Variants in APLN observed in about 807,000 individuals in gnomAD.
APLN encodes apelin.
A neutral mutation model predicts 4.3 loss-of-function variants in APLN; 2 were observed. The observed-to-expected ratio is 0.46, with a 90% CI of 0.19 to 1.45. APLN has a LOEUF of 1.45. Ranked by LOEUF, APLN falls within the 40% of genes most tolerant of loss-of-function variation. The pLI, the probability that APLN is intolerant of heterozygous loss-of-function variation, is 0.25. For missense variants in APLN, 80 were observed against 70.0 expected (o/e 1.14, Z -0.51); for synonymous variants, 34 against 30.4 (o/e 1.12, Z -0.38).
At chrX:129,653,894 G>A (rs1936992387) in intron 1 of APLN, among the ~76,000 whole-genome samples, 1 of 111,659 alleles carries the variant, frequency 9.0e-6, no homozygotes, top group South Asian at 3.7e-4. Context: ...CCTGTGCAGG[G>A]GAGGAGACCA....
chrX:129,654,729 G>A lies in APLN; in HGVS notation c.-99C>T, dbSNP rs1415830279. The A allele has an allele frequency of 3.1e-6, 2 of 636,587 alleles. No homozygotes were observed. Among genetic ancestry groups the A allele is most frequent in the East Asian group, 5.1e-5 (1 of 19,642 alleles). The allele number at this position is 636,587 out of a possible 1,213,427, so 52.5% of individuals were successfully genotyped here. A position where few individuals can be genotyped will look rare whatever the true frequency, so the allele number is the denominator to read the frequency against. On this transcript the variant is annotated 5_prime_UTR_variant, in exon 1 of 3. Transcript: ENST00000429967. The stretch of plus-strand genomic sequence containing the variant: ...AAGGCGCGAGCCGCGGCTGGCGCGT[G>A]CGGGCGCAGAGCTCGGGAGGCTCCC...
At chrX:129,648,917 T>C in intron 1 of APLN, 125 bp from the exon 2 acceptor site, 1 of 717,068 alleles carries the variant, frequency 1.4e-6, no homozygotes, top group African/African-American at 2.2e-5. Context: ...TTTCTTTGTT[T>C]CTTTTTTTCA....
Position 129,647,458 on chromosome X carries a change from C to T in APLN, c.*465G>A. ...AACTAGAGTCTCTCCTTGCTTTTCT[C>T]TGCATTCTTCCCTGGAGGCCAGGTG... On this transcript the variant is annotated 3_prime_UTR_variant, in exon 3 of 3. Coordinates refer to ENST00000429967, the MANE Select transcript of APLN (RefSeq NM_017413.5). 2 of 380,912 alleles carry T rather than the reference C, an allele frequency of 5.3e-6. No individual in the cohort carries two copies. The highest frequency in any genetic ancestry group is 1.9e-4 in the East Asian group (2 of 10,352). 31.4% of individuals were successfully genotyped at this position (380,912 alleles called of 1,213,427 possible). A position where few individuals can be genotyped will look rare whatever the true frequency, so the allele number is the denominator to read the frequency against.
chrX:129,645,687 C>T lies in APLN; in HGVS notation c.*2236G>A, dbSNP rs1364867860. 4.5e-5 allele frequency: 5 copies of T among 111,971 alleles called. No individual in the cohort carries two copies. The highest frequency in any genetic ancestry group is 7.5e-4 in the South Asian group (2 of 2,657). 9.2% of individuals were successfully genotyped at this position (111,971 alleles called of 1,213,427 possible). Reference sequence around the variant, plus strand: ...AGTTTGAGGCCAGTTGACCTAGAACCGATTTGGGATGCAGGCACTTACCTC... The same window carrying T: ...AGTTTGAGGCCAGTTGACCTAGAACTGATTTGGGATGCAGGCACTTACCTC... On this transcript the variant is annotated 3_prime_UTR_variant, in exon 3 of 3. Coordinates refer to ENST00000429967, the MANE Select transcript of APLN (RefSeq NM_017413.5).
At chrX:129,649,333 G>A (rs1202214926) in intron 1 of APLN, among the ~76,000 whole-genome samples, 1 of 111,605 alleles carries the variant, frequency 9.0e-6, no homozygotes, top group African/African-American at 3.3e-5. Context: ...TCACGTCATT[G>A]TACTCCTACA....
intron 2 of APLN, 46 bp downstream of exon 2, chrX:129,648,575 T>C: frequency 8.5e-7 from 1 of 1,171,681 alleles, no homozygotes; most frequent in Non-Finnish European, 1.1e-6. Flanking sequence ...TAGGCTGTCC[T>C]TCTCCCTCCG....
Position 129,654,685 on chromosome X carries a change from G to C in APLN, c.-55C>G, listed in dbSNP as rs866166138. 11 of 964,680 alleles carry C rather than the reference G, an allele frequency of 1.1e-5. No homozygotes were observed. Among genetic ancestry groups the C allele is most frequent in the African/African-American group, 4.1e-5 (2 of 48,525 alleles). The allele number at this position is 964,680 out of a possible 1,213,427, so 79.5% of individuals were successfully genotyped here. A position where few individuals can be genotyped will look rare whatever the true frequency, so the allele number is the denominator to read the frequency against. On this transcript the variant is annotated 5_prime_UTR_variant, in exon 1 of 3. Transcript: ENST00000429967. ...GAGCCGGCGCGGGGGAGGAGAGGTC[G>C]GGCGCCCGGAGGCCAAGAAAGGCGC...
At chrX:129,651,406 C>A (rs183247218) in intron 1 of APLN, among the ~76,000 whole-genome samples, 1 of 111,952 alleles carries the variant, frequency 8.9e-6, no homozygotes, top group East Asian at 2.8e-4. Flanking sequence ...TTTATGCTGT[C>A]CAAAGGAACA....
chrX:129,651,637 C>G (rs936750257), intron 1 of APLN, among the ~76,000 whole-genome samples: 1 of 112,172 alleles, frequency 8.9e-6, no homozygotes, highest in African/African-American at 3.2e-5. Context: ...AACATCTCCA[C>G]GCTGAGAACC....
At chrX:129,649,211 C>T (rs759674350) in intron 1 of APLN, among the ~76,000 whole-genome samples, 22 of 112,140 alleles carry the variant, frequency 2.0e-4, no homozygotes, top group African/African-American at 1.3e-4. Context: ...ACCCTCCCAC[C>T]GCCATGGACC....
chrX:129,651,169 T>C (rs1936976675), intron 1 of APLN, among the ~76,000 whole-genome samples: 1 of 111,036 alleles, frequency 9.0e-6, no homozygotes, highest in African/African-American at 3.3e-5. Flanking sequence ...GTCTAGACTC[T>C]AGGTCTGCAG....
In APLN at chrX:129,645,466, A is replaced by G. The variant is rs1286511170; in HGVS notation, c.*2457T>C. On this transcript the variant is annotated 3_prime_UTR_variant, in exon 3 of 3. Coordinates refer to ENST00000429967, the MANE Select transcript of APLN (RefSeq NM_017413.5). Reference sequence around the variant, plus strand: ...ATAGCAGAAGACACCCACCAAGGATACAAAACAATTTTTAGTAGCGATCCT... The same window carrying G: ...ATAGCAGAAGACACCCACCAAGGATGCAAAACAATTTTTAGTAGCGATCCT... The G allele has an allele frequency of 8.9e-6, 1 of 112,796 alleles. No homozygotes were observed. The highest frequency in any genetic ancestry group is 1.9e-5 in the Non-Finnish European group (1 of 53,418). The allele number at this position is 112,796 out of a possible 1,213,427, so 9.3% of individuals were successfully genotyped here.
chrX:129,654,065 G>A (rs889040072), intron 1 of APLN, among the ~76,000 whole-genome samples: 3 of 113,112 alleles, frequency 2.7e-5, no homozygotes, highest in African/African-American at 9.6e-5. Flanking sequence ...TGCAACAAGT[G>A]TCACGTCTGC....
At chrX:129,653,916 G>T (rs1301179492) in intron 1 of APLN, among the ~76,000 whole-genome samples, 6 of 111,741 alleles carry the variant, frequency 5.4e-5, no homozygotes, top group African/African-American at 2.0e-4. Flanking sequence ...CCAGGACCTT[G>T]GGGTTAGGGA....
At position 129,646,479 on chromosome X, in the gene APLN, TC is replaced by T. The variant is rs1300570658; in HGVS notation, c.*1443del. ...GAGAGGGTGCTATTCCTGCTGCACT[TC>T]CTCCCATCTTTCTTTCCTTCCTTCT... On this transcript the variant is annotated 3_prime_UTR_variant, in exon 3 of 3. Coordinates refer to ENST00000429967, the MANE Select transcript of APLN (RefSeq NM_017413.5). 8.9e-6 allele frequency: 1 copy of T among 112,409 alleles called. No homozygotes were observed. Among genetic ancestry groups the T allele is most frequent in the African/African-American group, 3.2e-5 (1 of 30,944 alleles). The allele number at this position is 112,409 out of a possible 1,213,427, so 9.3% of individuals were successfully genotyped here. A position where few individuals can be genotyped will look rare whatever the true frequency, so the allele number is the denominator to read the frequency against.
rs1202617360 is a variant in APLN at position 129,654,733 on chromosome X, G to A, written c.-103C>T. ...CGCGAGCCGCGGCTGGCGCGTGCGG[G>A]CGCAGAGCTCGGGAGGCTCCCCGGC... is the stretch of plus-strand genomic sequence containing the variant. On this transcript the variant is annotated 5_prime_UTR_variant, in exon 1 of 3. Transcript: ENST00000429967. The A allele has an allele frequency of 1.7e-6, 1 of 600,375 alleles. No homozygotes were observed. Among genetic ancestry groups the A allele is most frequent in the Non-Finnish European group, 2.2e-6 (1 of 448,724 alleles). 49.5% of individuals were successfully genotyped at this position (600,375 alleles called of 1,213,427 possible).
chrX:129,651,322 G>A (rs61247277), intron 1 of APLN, among the ~76,000 whole-genome samples: 3,556 of 109,468 alleles, frequency 0.032, 148 homozygotes, highest in African/African-American at 0.11. Context: ...CTCTGAGCCC[G>A]TCACCCACCT....
intron 1 of APLN, among the ~76,000 whole-genome samples, chrX:129,649,701 C>A (rs771110961): frequency 8.9e-6 from 1 of 111,809 alleles, no homozygotes; most frequent in South Asian, 3.8e-4. Flanking sequence ...TCACACCCTG[C>A]ATCCTGTGTC....
At chrX:129,649,262 T>G (rs1390317905) in intron 1 of APLN, among the ~76,000 whole-genome samples, 4 of 112,472 alleles carry the variant, frequency 3.6e-5, no homozygotes, top group Admixed American at 1.9e-4. Flanking sequence ...GAGTCACATA[T>G]GCTTTAGTTA....
Sources: gnomAD v4.1 joint callset for allele counts (sites outside exome capture counted in the v4.1 genomes callset) on GRCh38, gnomAD v4.1.1 for gene constraint, MANE v1.5 for transcripts, NCBI Gene and HGNC (gene_info 2026-07-23, HGNC 2026-07-21) for gene names.